INTS7: variants seen among roughly 807,000 people sequenced by gnomAD.
The protein encoded by INTS7 is integrator complex subunit 7, also known as chromosome 1 open reading frame 73.
INTS7 carries 46 observed loss-of-function variants against 109.2 expected under a neutral mutation model. The observed-to-expected ratio is 0.42, with a 90% confidence interval of 0.33 to 0.54. The LOEUF is 0.54. INTS7 is among the 20% of genes least tolerant of loss of function. INTS7 has a pLI of 0.07. For synonymous variants in INTS7, 412 were observed against 402.9 expected, an observed-to-expected ratio of 1.02 and a Z score of -0.27; for missense variants, 929 against 1,132.4, an observed-to-expected ratio of 0.82 and a Z score of 2.58.
intron 15 of INTS7, among the ~76,000 whole-genome samples, chr1:211,967,327 C>T (rs1447604673): frequency 6.6e-6 from 1 of 151,622 alleles, no homozygotes; most frequent in East Asian, 1.9e-4. Flanking sequence ...TGGCACACAC[C>T]TGTAATCCCA....
chr1:212,018,660 C>T lies in INTS7; in HGVS notation c.371+1462G>A, dbSNP rs117880726. Among the ~76,000 whole-genome samples, 12 of 152,010 alleles carry T rather than the reference C, an allele frequency of 7.9e-5. No individual in the cohort carries two copies. In the East Asian group the frequency reaches 2.3e-3, roughly 29 times the overall value. On this transcript the variant is annotated intron_variant, in intron 3 of 19. Transcript: ENST00000366994. Reference sequence around the variant, plus strand: ...AGATTTTTTTCTGAGCCTATATAAACATATATATTAATATCAACTAGCAAA... The same window carrying T: ...AGATTTTTTTCTGAGCCTATATAAATATATATATTAATATCAACTAGCAAA...
intron 7 of INTS7, among the ~76,000 whole-genome samples, chr1:211,999,870 C>G (rs963326362): frequency 6.6e-6 from 1 of 151,916 alleles, no homozygotes; most frequent in Non-Finnish European, 1.5e-5. Flanking sequence ...TTAGGGAGGC[C>G]GAGGCACGTG....
chr1:212,027,876 G>C (rs1297958942), intron 1 of INTS7, among the ~76,000 whole-genome samples: 1 of 152,074 alleles, frequency 6.6e-6, no homozygotes, highest in South Asian at 2.1e-4. Context: ...GCCCAGGCTG[G>C]AGTGCAGTGG....
intron 2 of INTS7, chr1:212,020,581 G>GAAGCCCAAGAGAA (rs1666646508): frequency 4.0e-6 from 1 of 253,154 alleles, no homozygotes; most frequent in African/African-American, 2.3e-5. Flanking sequence ...TCTTCTCTTG[G>GAAGCCCAAGAGAA]GCTTATTCCA....
chr1:212,010,003 C>G lies in INTS7; in HGVS notation c.556+1372G>C, dbSNP rs76611451. On this transcript the variant is annotated intron_variant, in intron 5 of 19. Coordinates refer to ENST00000366994, the MANE Select transcript of INTS7 (RefSeq NM_015434.4). ...TAAATGCGTGCAAAATATAACTACA[C>G]TAAGCAATTCATGCCTTAGAAGGGC... Among the ~76,000 whole-genome samples the G allele has an allele frequency of 7.9e-3, 1,206 of 152,342 alleles. 6 individuals are homozygous for G. Among genetic ancestry groups the G allele is most frequent in the Middle Eastern group, 0.027 (8 of 294 alleles).
At chr1:212,011,273 T>C (rs541174468) in intron 5 of INTS7, 102 bp downstream of exon 5, 36 of 640,792 alleles carry the variant, frequency 5.6e-5, no homozygotes, top group Non-Finnish European at 9.3e-5. Context: ...TAAATATTAT[T>C]TGAATGTATG....
chr1:212,018,573 T>C (rs1666547844), intron 3 of INTS7, among the ~76,000 whole-genome samples: 2 of 151,842 alleles, frequency 1.3e-5, no homozygotes, highest in African/African-American at 2.4e-5. Context: ...GAAAAGCCTC[T>C]TGTAATCTAC....
At position 211,959,860 on chromosome 1, in the gene INTS7, C is replaced by T. The variant is rs79098581; in HGVS notation, c.2183+6570G>A. On this transcript the variant is annotated intron_variant, in intron 16 of 19. Transcript: ENST00000366994. This position sits in a 1 kb window ranked among gnomAD's most constrained non-coding sequence, Gnocchi z 4.2. ...CAGTTACCAACAGGGTTCCCCTGCA[C>T]CCCACCGGCCACCTGCGCTGCCTCT... 6.6e-6 allele frequency among the ~76,000 whole-genome samples: 1 copy of T among 152,304 alleles called. No homozygotes were observed. The highest frequency in any genetic ancestry group is 1.9e-4 in the East Asian group (1 of 5,188).
intron 16 of INTS7, among the ~76,000 whole-genome samples, chr1:211,958,385 CTTTCTTCCCTTCTAAATAATAT>C (rs922929016): frequency 3.3e-5 from 5 of 151,840 alleles, no homozygotes; most frequent in Admixed American, 6.6e-5. Flanking sequence ...ATATTCTGAT[CTTTCTTCCCTTCTAAATAATAT>C]TTTCTTCCCT....
chr1:211,940,910 CAAAT>C lies in INTS7; in HGVS notation c.*910_*913del, dbSNP rs1018442941. 2.0e-5 allele frequency: 3 copies of C among 152,188 alleles called. No homozygotes were observed. Among genetic ancestry groups the C allele is most frequent in the Non-Finnish European group, 4.4e-5 (3 of 68,020 alleles). 9.4% of individuals were successfully genotyped at this position (152,188 alleles called of 1,614,324 possible). Reference sequence around the variant, plus strand: ...ACAGTTGCAGACACATCAGAAAAAACAAATTAATTTTCTATGAAATTGCTAGCTG... The same window carrying C: ...ACAGTTGCAGACACATCAGAAAAAACTAATTTTCTATGAAATTGCTAGCTG... On this transcript the variant is annotated 3_prime_UTR_variant, in exon 20 of 20. Coordinates refer to ENST00000366994, the MANE Select transcript of INTS7 (RefSeq NM_015434.4).
intron 1 of INTS7, among the ~76,000 whole-genome samples, chr1:212,032,135 T>C (rs887970350): frequency 2.6e-5 from 4 of 152,234 alleles, no homozygotes; most frequent in Non-Finnish European, 5.9e-5. Flanking sequence ...CTTACTCTTA[T>C]ATCCTCATCT....
chr1:211,944,864 G>A lies in INTS7; in HGVS notation c.2521C>T (p.Pro841Ser), dbSNP rs1662784919. The A allele has an allele frequency of 6.2e-7, 1 of 1,614,012 alleles. No homozygotes were observed. Among genetic ancestry groups the A allele is most frequent in the African/African-American group, 1.3e-5 (1 of 74,926 alleles). ...GACTGAATTTTGCGGAAGAGTCCTG[G>A]TTTAGATCCGTGCTGAACCACTCCC... ...VEGVVQHGSK[P>S]GLFRKIQSVC... is the part of the protein sequence containing the mutation. Residue 841 changes from proline to serine, a missense_variant, in exon 19 of 20, where the codon CCA becomes TCA. Around this residue, in one of 2 missense-constraint regions of INTS7, gnomAD observed 787 missense variants for 901.1 expected, o/e 0.87. Transcript: ENST00000366994.
In INTS7 at chr1:212,035,438, G is replaced by A; in HGVS notation, c.-1C>T. On this transcript the variant is annotated 5_prime_UTR_variant, in exon 1 of 20. Coordinates refer to ENST00000366994, the MANE Select transcript of INTS7 (RefSeq NM_015434.4). ...AAGACTTAGTTGAGTTTGACGCCAT[G>A]ACCCGAATAGTTACTCGACTAGCCT... is the stretch of plus-strand genomic sequence containing the variant. The A allele has an allele frequency of 4.3e-6, 7 of 1,609,500 alleles. No individual in the cohort carries two copies. Among genetic ancestry groups the A allele is most frequent in the Non-Finnish European group, 6.0e-6 (7 of 1,175,760 alleles).
intron 16 of INTS7, among the ~76,000 whole-genome samples, chr1:211,953,465 A>T (rs1663209925): frequency 1.3e-5 from 2 of 151,268 alleles, no homozygotes; most frequent in Non-Finnish European, 2.9e-5. Context: ...TTTGTTACAT[A>T]TGTATACATG....
At chr1:212,015,709 C>A (rs1558055320) in intron 4 of INTS7, among the ~76,000 whole-genome samples, 1 of 2,850 alleles carries the variant, frequency 3.5e-4, no homozygotes, top group Non-Finnish European at 6.4e-4. Context: ...TCAATAAATA[C>A]TAAAAAAAAA....
At chr1:212,002,530 T>C (rs148195381) in intron 7 of INTS7, among the ~76,000 whole-genome samples, 21 of 152,334 alleles carry the variant, frequency 1.4e-4, no homozygotes, top group African/African-American at 4.8e-4. Flanking sequence ...ATCTCCTCTA[T>C]TAACAGTCAC....
intron 8 of INTS7, among the ~76,000 whole-genome samples, chr1:211,983,179 GGAGAGAA>G (rs1346102475): frequency 6.6e-6 from 1 of 152,008 alleles, no homozygotes; most frequent in African/African-American, 2.4e-5. Context: ...TTTCAAGATA[GGAGAGAA>G]AAGAGAAAAA....
intron 13 of INTS7, among the ~76,000 whole-genome samples, chr1:211,971,977 G>C (rs1664200919): frequency 6.8e-6 from 1 of 147,938 alleles, no homozygotes; most frequent in Admixed American, 6.7e-5. Context: ...TATAAAGAAA[G>C]GCAATGGAAC....
In INTS7 at chr1:211,967,939, A is replaced by G. The variant is rs148719218; in HGVS notation, c.2053T>C (p.Tyr685His). 1 of 1,609,058 alleles carries G rather than the reference A, an allele frequency of 6.2e-7. No individual in the cohort carries two copies. Among genetic ancestry groups the G allele is most frequent in the East Asian group, 2.2e-5 (1 of 44,732 alleles). Residue 685 changes from tyrosine (Y) to histidine (H), a missense_variant, in exon 15 of 20, where the codon TAT becomes CAT. Around this residue, in one of 2 missense-constraint regions of INTS7, gnomAD observed 787 missense variants for 901.1 expected, o/e 0.87. Transcript: ENST00000366994. ...MEEFRSLASR[Y>H]GDLYQASFDA... ...AAAGATGCCTGGTAAAGATCTCCATATCGAGAAGCAAGGCTTCGAAATTCT... is the reference window on the plus strand; with the variant it reads ...AAAGATGCCTGGTAAAGATCTCCATGTCGAGAAGCAAGGCTTCGAAATTCT...
Sources: allele counts gnomAD v4.1 joint callset (sites outside exome capture counted in the v4.1 genomes callset), GRCh38; gene constraint gnomAD v4.1.1; regional missense constraint gnomAD v4.1.1; non-coding constraint Gnocchi (gnomAD v3.1); transcripts MANE v1.5; gene names NCBI Gene and HGNC (gene_info 2026-07-23, HGNC 2026-07-21).